The following MDGA2 variants were observed in gnomAD, a reference collection of about 807,000 sequenced individuals.
MDGA2 encodes MAM domain-containing glycosylphosphatidylinositol anchor protein 2.
Under a neutral mutation model 117.8 loss-of-function variants are expected in MDGA2, and 40 were observed. The ratio of observed to expected loss-of-function variants is 0.34; its 90% CI spans 0.26 to 0.44. The LOEUF is 0.44. MDGA2 is among the 20% of genes least tolerant of loss of function. The probability of loss-of-function intolerance (pLI) is 1.00; values close to 1 mark genes in which losing one functional copy is unlikely to be tolerated. For missense variants in MDGA2, 1,123 were observed against 1,250.6 expected (o/e 0.90, Z 1.54); for synonymous variants, 452 against 439.0 (o/e 1.03, Z -0.37).
intron 7 of MDGA2, among the ~76,000 whole-genome samples, chr14:47,037,098 G>A (rs1282035989): frequency 6.6e-6 from 1 of 152,152 alleles, no homozygotes; most frequent in Non-Finnish European, 1.5e-5. Context: ...TGTTCTTTTT[G>A]AAGTGAATGA....
intron 1 of MDGA2, among the ~76,000 whole-genome samples, chr14:47,488,099 T>C (rs113675545): frequency 4.3e-4 from 65 of 152,240 alleles, no homozygotes; most frequent in African/African-American, 1.4e-3. Context: ...TTTTCGACCC[T>C]GGTTAGATCA....
chr14:47,419,888 A>AT (rs1892544621), intron 1 of MDGA2, among the ~76,000 whole-genome samples: 1 of 152,064 alleles, frequency 6.6e-6, no homozygotes. Flanking sequence ...AAAGGTTGAA[A>AT]TTTCTTCAAG....
intron 3 of MDGA2, among the ~76,000 whole-genome samples, chr14:47,203,506 G>A (rs1885581105): frequency 6.6e-6 from 1 of 151,960 alleles, no homozygotes; most frequent in Non-Finnish European, 1.5e-5. Context: ...GTATTGCTAG[G>A]AGCCTCAATC....
At chr14:47,488,526 A>G (rs1376357085) in intron 1 of MDGA2, among the ~76,000 whole-genome samples, 1 of 152,120 alleles carries the variant, frequency 6.6e-6, no homozygotes, top group Non-Finnish European at 1.5e-5. Flanking sequence ...ATAGATTTTA[A>G]GGGATATATG....
At chr14:47,272,238 C>T (rs1422468701) in intron 2 of MDGA2, among the ~76,000 whole-genome samples, 1 of 152,152 alleles carries the variant, frequency 6.6e-6, no homozygotes, top group African/African-American at 2.4e-5. Flanking sequence ...TATGGGCTGC[C>T]TCACTTACCA....
intron 3 of MDGA2, among the ~76,000 whole-genome samples, chr14:47,210,348 T>A (rs1885837550): frequency 6.6e-6 from 1 of 152,196 alleles, no homozygotes; most frequent in African/African-American, 2.4e-5. Context: ...AAAAACTTAT[T>A]AAGCTAATGC....
At chr14:47,168,686 A>C (rs1224330786) in intron 3 of MDGA2, among the ~76,000 whole-genome samples, 1 of 152,124 alleles carries the variant, frequency 6.6e-6, no homozygotes, top group Non-Finnish European at 1.5e-5. Context: ...ATTCTGATAG[A>C]GCTATCAACC....
chr14:46,986,526 CT>C (rs776623786), intron 8 of MDGA2, among the ~76,000 whole-genome samples: 43 of 151,606 alleles, frequency 2.8e-4, no homozygotes, highest in Non-Finnish European at 2.9e-4. Context: ...GATGTAAGAT[CT>C]TTCTGATTCT....
At chr14:47,476,529 C>T (rs1405527280) in intron 1 of MDGA2, among the ~76,000 whole-genome samples, 3 of 150,752 alleles carry the variant, frequency 2.0e-5, no homozygotes, top group Non-Finnish European at 4.4e-5. Context: ...AAATATATTC[C>T]TGAGTGAAGA....
In MDGA2 at chr14:47,022,275, T is replaced by C. The variant is rs1430102815; in HGVS notation, c.1819+12736A>G. Among the ~76,000 whole-genome samples, 4 of 152,144 alleles carry C rather than the reference T, an allele frequency of 2.6e-5. No individual in the cohort carries two copies. In the East Asian group the frequency reaches 7.8e-4, roughly 30 times the overall value. ...TAATTTTTGTAGTTTTTTGCAGAGA[T>C]GGGGTGTTTCCCGGGCTTGTCTCGA... On this transcript the variant is annotated intron_variant, in intron 8 of 16. Transcript: ENST00000399232.
chr14:46,862,893 T>A (rs952895125), intron 14 of MDGA2, among the ~76,000 whole-genome samples: 1 of 152,106 alleles, frequency 6.6e-6, no homozygotes, highest in Non-Finnish European at 1.5e-5. Context: ...TTTCAACATA[T>A]AATTGCAGTG....
At chr14:47,371,298 T>C (rs1891353532) in intron 1 of MDGA2, among the ~76,000 whole-genome samples, 1 of 151,796 alleles carries the variant, frequency 6.6e-6, no homozygotes, top group Non-Finnish European at 1.5e-5. Flanking sequence ...AAAGAATTTT[T>C]AAGTTTTAGT....
chr14:47,514,514 T>C (rs1375784437), intron 1 of MDGA2, among the ~76,000 whole-genome samples: 2 of 152,110 alleles, frequency 1.3e-5, no homozygotes, highest in African/African-American at 2.4e-5. Context: ...TGAGATGTTT[T>C]TCCATAAATC....
chr14:47,432,564 A>G (rs1258652382), intron 1 of MDGA2, among the ~76,000 whole-genome samples: 1 of 152,090 alleles, frequency 6.6e-6, no homozygotes, highest in Non-Finnish European at 1.5e-5. Flanking sequence ...TCAGTCCACC[A>G]GTATATTTAT....
intron 1 of MDGA2, among the ~76,000 whole-genome samples, chr14:47,638,972 A>T (rs1386979052): frequency 6.6e-6 from 1 of 152,136 alleles, no homozygotes; most frequent in East Asian, 1.9e-4. Context: ...ATTCACATAC[A>T]TTAGGGTCTT....
At chr14:47,093,129 C>T (rs1879763749) in intron 6 of MDGA2, among the ~76,000 whole-genome samples, 1 of 151,954 alleles carries the variant, frequency 6.6e-6, no homozygotes. Flanking sequence ...AAAAAGCCAC[C>T]TGTGCTCCAT....
intron 1 of MDGA2, among the ~76,000 whole-genome samples, chr14:47,560,099 G>C (rs1328927346): frequency 1.3e-5 from 2 of 148,328 alleles, no homozygotes; most frequent in Admixed American, 6.7e-5. Flanking sequence ...ACGGAGTCTC[G>C]TTCTGTCGCC....
At chr14:46,866,593 A>G (rs576306627) in intron 14 of MDGA2, among the ~76,000 whole-genome samples, 1 of 152,146 alleles carries the variant, frequency 6.6e-6, no homozygotes, top group Admixed American at 6.5e-5. Context: ...CTACCACCAG[A>G]GTGAACAGGC....
In MDGA2 at chr14:47,129,333, T is replaced by C. The variant is rs1349807929; in HGVS notation, c.925+2381A>G. Among the ~76,000 whole-genome samples, 7 of 150,880 alleles carry C rather than the reference T, an allele frequency of 4.6e-5. No homozygotes were observed. In the East Asian group the frequency reaches 5.8e-4, roughly 13 times the overall value. ...TTCAATTCCCACCTATGAGTGAGAA[T>C]ATGCGGTGTTTGGTTTTTTGTTCTT... On this transcript the variant is annotated intron_variant, in intron 5 of 16. Transcript: ENST00000399232.
Sources: gnomAD v4.1 joint callset for allele counts (sites outside exome capture counted in the v4.1 genomes callset) on GRCh38, gnomAD v4.1.1 for gene constraint, MANE v1.5 for transcripts, NCBI Gene and HGNC (gene_info 2026-07-23, HGNC 2026-07-21) for gene names.